The following CHODL variants were observed in gnomAD, a reference collection of about 807,000 sequenced individuals.
CHODL encodes the protein chondrolectin.
Under a neutral mutation model 34.5 loss-of-function variants are expected in CHODL, and 29 were observed. The ratio of observed to expected loss-of-function variants is 0.84; its 90% CI spans 0.63 to 1.15. The LOEUF is 1.15. Ranked by LOEUF, CHODL falls within the 50% of genes most tolerant of loss-of-function variation. The pLI is 0.00. For missense variants in CHODL, 332 were observed against 332.5 expected (o/e 1.00, Z 0.01); for synonymous variants, 125 against 116.1 (o/e 1.08, Z -0.49).
At chr21:18,010,240 T>C (rs1373263938) in intron 1 of CHODL, among the ~76,000 whole-genome samples, 1 of 120,462 alleles carries the variant, frequency 8.3e-6, no homozygotes, top group African/African-American at 3.3e-5. Context: ...GAGCTTGCAG[T>C]GAGCCGAGAT....
intron 1 of CHODL, among the ~76,000 whole-genome samples, chr21:18,019,435 AATTT>A (rs546411175): frequency 0.05 from 5,006 of 99,426 alleles, 284 homozygotes; most frequent in African/African-American, 0.21. Flanking sequence ...TATTAAAAAT[AATTT>A]ATTTGTACAT....
chr21:18,070,127 G>T (rs2064785371), intron 2 of CHODL, among the ~76,000 whole-genome samples: 1 of 149,694 alleles, frequency 6.7e-6, no homozygotes, highest in South Asian at 2.1e-4. Context: ...TACAAATTGG[G>T]TATACTGCTC....
At chr21:18,104,116 G>A (rs554680488) in intron 2 of CHODL, among the ~76,000 whole-genome samples, 1 of 152,246 alleles carries the variant, frequency 6.6e-6, no homozygotes, top group Admixed American at 6.5e-5. Context: ...TGGACAGGTG[G>A]GAAACACTGA....
At chr21:18,049,371 G>T (rs1354133673) in intron 2 of CHODL, among the ~76,000 whole-genome samples, 1 of 151,948 alleles carries the variant, frequency 6.6e-6, no homozygotes, top group Non-Finnish European at 1.5e-5. Context: ...ATAATGAACA[G>T]ATCTGGAATT....
chr21:18,241,533 G>A (rs776978038), upstream of CHODL, among the ~76,000 whole-genome samples: 4 of 152,116 alleles, frequency 2.6e-5, no homozygotes, highest in Non-Finnish European at 5.9e-5. Context: ...GATCTGGAGC[G>A]CAAATGAATG....
intron 2 of CHODL, among the ~76,000 whole-genome samples, chr21:18,146,169 G>A (rs1370468383): frequency 1.3e-5 from 2 of 150,934 alleles, no homozygotes; most frequent in Non-Finnish European, 2.9e-5. Context: ...AGTAGAGACG[G>A]GCTTTCACCG....
At chr21:17,965,234 G>T (rs2063562617) in intron 1 of CHODL, among the ~76,000 whole-genome samples, 1 of 152,096 alleles carries the variant, frequency 6.6e-6, no homozygotes, top group Non-Finnish European at 1.5e-5. Context: ...TTAGAATGGA[G>T]AATCTTATTC....
chr21:17,928,238 C>G (rs1040099740), intron 1 of CHODL, among the ~76,000 whole-genome samples: 2 of 152,196 alleles, frequency 1.3e-5, no homozygotes, highest in African/African-American at 4.8e-5. Context: ...AAACTATACT[C>G]TTGTCTTCAA....
chr21:18,111,885 G>A (rs968438306), intron 2 of CHODL, among the ~76,000 whole-genome samples: 2 of 152,180 alleles, frequency 1.3e-5, no homozygotes, highest in Non-Finnish European at 2.9e-5. Flanking sequence ...GGGAACTCAG[G>A]TGGAAATTCA....
chr21:18,064,145 A>G (rs2064702906), intron 2 of CHODL, among the ~76,000 whole-genome samples: 1 of 152,108 alleles, frequency 6.6e-6, no homozygotes, highest in South Asian at 2.1e-4. Flanking sequence ...TATATTTTAA[A>G]TTGTGTCATA....
chr21:17,978,138 C>G (rs2063681685), intron 1 of CHODL, among the ~76,000 whole-genome samples: 1 of 151,802 alleles, frequency 6.6e-6, no homozygotes, highest in African/African-American at 2.4e-5. Context: ...CAAAAAAACA[C>G]GTCGGCCAGG....
chr21:18,229,681 A>G (rs1423150574), intron 2 of CHODL, among the ~76,000 whole-genome samples: 1 of 152,124 alleles, frequency 6.6e-6, no homozygotes, highest in East Asian at 1.9e-4. Context: ...AACTACCCAC[A>G]ATTTGTTTTC....
chr21:18,174,161 A>ATATATATATATCTTGGTATATATATAT (rs2073276201), intron 2 of CHODL, among the ~76,000 whole-genome samples: 4 of 85,646 alleles, frequency 4.7e-5, no homozygotes, highest in African/African-American at 9.9e-5. Flanking sequence ...ATATATATAT[A>ATATATATATATCTTGGTATATATATAT]AAATCAAGTC....
intron 1 of CHODL, among the ~76,000 whole-genome samples, chr21:17,946,918 G>T (rs2063414185): frequency 6.6e-6 from 1 of 151,942 alleles, no homozygotes; most frequent in Non-Finnish European, 1.5e-5. Flanking sequence ...ATTTCTATTG[G>T]TTTTATAGAT....
intron 2 of CHODL, among the ~76,000 whole-genome samples, chr21:18,130,716 GA>G (rs2072643971): frequency 2.6e-5 from 4 of 151,898 alleles, no homozygotes; most frequent in Non-Finnish European, 4.4e-5. Flanking sequence ...AAAGATGTAG[GA>G]TATTACCCCC....
intron 2 of CHODL, among the ~76,000 whole-genome samples, chr21:18,166,434 C>G (rs1401654106): frequency 6.6e-6 from 1 of 152,048 alleles, no homozygotes; most frequent in Non-Finnish European, 1.5e-5. Context: ...GAGTGATACC[C>G]CTTATCATTA....
chr21:18,014,477 A>C (rs1163801642), intron 1 of CHODL, among the ~76,000 whole-genome samples: 7 of 152,194 alleles, frequency 4.6e-5, no homozygotes, highest in Admixed American at 4.6e-4. Context: ...GGACTACTAC[A>C]CAGAAGGGAG....
chr21:18,116,782 G>C (rs111457571), intron 2 of CHODL, among the ~76,000 whole-genome samples: 2 of 152,176 alleles, frequency 1.3e-5, no homozygotes, highest in Non-Finnish European at 2.9e-5. Flanking sequence ...CTGCTAGGGA[G>C]TTGAAGCCTT....
At chr21:18,136,153 G>A (rs2072725735) in intron 2 of CHODL, among the ~76,000 whole-genome samples, 2 of 149,128 alleles carry the variant, frequency 1.3e-5, no homozygotes, top group Admixed American at 1.3e-4. Context: ...AATTTCTACA[G>A]TGACATCTCT....
Sources: allele counts gnomAD v4.1 joint callset (sites outside exome capture counted in the v4.1 genomes callset), GRCh38; gene constraint gnomAD v4.1.1; transcripts MANE v1.5; gene names NCBI Gene and HGNC (gene_info 2026-07-23, HGNC 2026-07-21).